TYW1: variants seen among roughly 807,000 people sequenced by gnomAD.
TYW1 encodes S-adenosyl-L-methionine-dependent tRNA 4-demethylwyosine synthase TYW1.
Under a neutral mutation model 96.2 loss-of-function variants are expected in TYW1, and 46 were observed. That is an observed-to-expected ratio of 0.48 (90% confidence interval 0.38 to 0.61). TYW1 has a LOEUF of 0.61. TYW1 is among the 20% of genes least tolerant of loss of function. The pLI is 0.00. For missense variants in TYW1, 684 were observed against 909.6 expected (o/e 0.75, Z 3.19); for synonymous variants, 274 against 323.0 (o/e 0.85, Z 1.63).
chr7:67,098,876 C>CTGT (rs1188820479), intron 12 of TYW1, among the ~76,000 whole-genome samples, 158 bp downstream of exon 12: 1 of 152,124 alleles, frequency 6.6e-6, no homozygotes, highest in Non-Finnish European at 1.5e-5. Flanking sequence ...TCTTCAAAAT[C>CTGT]TGTTCTATTA....
intron 10 of TYW1, among the ~76,000 whole-genome samples, chr7:67,076,419 G>A (rs1796208072): frequency 1.3e-5 from 2 of 152,110 alleles, no homozygotes; most frequent in African/African-American, 4.8e-5. Flanking sequence ...GCACAACTCT[G>A]TGATTATAGC....
chr7:67,112,014 G>A (rs1297179306), intron 12 of TYW1, among the ~76,000 whole-genome samples: 9 of 147,520 alleles, frequency 6.1e-5, no homozygotes, highest in African/African-American at 1.5e-4. Flanking sequence ...CAGGAGAATC[G>A]CTTGAACCTG....
At chr7:67,145,352 T>A (rs1488985526) in intron 13 of TYW1, among the ~76,000 whole-genome samples, 3 of 151,940 alleles carry the variant, frequency 2.0e-5, no homozygotes, top group Admixed American at 6.6e-5. Flanking sequence ...GGTTTCACCG[T>A]GTTAGCCAGG....
intron 13 of TYW1, among the ~76,000 whole-genome samples, chr7:67,159,678 A>T (rs999267145): frequency 2.2e-4 from 34 of 152,166 alleles, no homozygotes; most frequent in Non-Finnish European, 4.6e-4. Flanking sequence ...TTTTATTTTG[A>T]CTAGCTTCTT....
At chr7:67,157,447 G>A (rs1799018359) in intron 13 of TYW1, among the ~76,000 whole-genome samples, 1 of 152,066 alleles carries the variant, frequency 6.6e-6, no homozygotes, top group Admixed American at 6.6e-5. Context: ...CACCATGCCT[G>A]GCTAATGTTT....
intron 14 of TYW1, among the ~76,000 whole-genome samples, chr7:67,190,528 A>G (rs961746003): frequency 6.6e-6 from 1 of 152,218 alleles, no homozygotes; most frequent in African/African-American, 2.4e-5. Context: ...AGGTTCCTGA[A>G]TGGAGGTTAA....
chr7:67,078,636 T>A (rs188495415), intron 10 of TYW1, among the ~76,000 whole-genome samples: 250 of 152,278 alleles, frequency 1.6e-3, no homozygotes, highest in African/African-American at 5.7e-3. Context: ...TATCTTTCCA[T>A]TTTTTTGTGT....
intron 13 of TYW1, among the ~76,000 whole-genome samples, chr7:67,120,192 A>G (rs1402878253): frequency 2.0e-5 from 3 of 151,446 alleles, no homozygotes; most frequent in Non-Finnish European, 2.9e-5. Context: ...AGTGATTCTC[A>G]TGCCTCAGCC....
At chr7:67,032,170 G>A (rs1794691064) in intron 7 of TYW1, among the ~76,000 whole-genome samples, 3 of 152,222 alleles carry the variant, frequency 2.0e-5, no homozygotes, top group Admixed American at 2.0e-4. Flanking sequence ...CCATTGTCTG[G>A]ACATTTTGGG....
intron 12 of TYW1, among the ~76,000 whole-genome samples, chr7:67,109,919 A>G (rs535860076): frequency 6.6e-6 from 1 of 152,282 alleles, no homozygotes; most frequent in East Asian, 1.9e-4. Context: ...TCACAACCAC[A>G]GTGAAAACCA....
chr7:67,013,194 C>T (rs1264760814), intron 4 of TYW1, among the ~76,000 whole-genome samples: 1 of 151,152 alleles, frequency 6.6e-6, no homozygotes, highest in East Asian at 1.9e-4. Flanking sequence ...GTGATGGTGG[C>T]CCACTGCAGC....
chr7:67,158,670 T>C (rs4377841), intron 13 of TYW1, among the ~76,000 whole-genome samples: 39,327 of 151,788 alleles, frequency 0.26, 5,553 homozygotes, highest in African/African-American at 0.38. Context: ...CCCGGGTTCA[T>C]ACCATTCTCC....
chr7:67,121,576 A>C (rs1171674656), intron 13 of TYW1, among the ~76,000 whole-genome samples: 2 of 151,964 alleles, frequency 1.3e-5, no homozygotes, highest in Non-Finnish European at 2.9e-5. Flanking sequence ...ATAAAAACTC[A>C]AGTGATACCA....
intron 13 of TYW1, among the ~76,000 whole-genome samples, chr7:67,147,541 C>T (rs1487064588): frequency 1.3e-5 from 2 of 152,126 alleles, no homozygotes; most frequent in South Asian, 2.1e-4. Context: ...AAGCCTGCTA[C>T]CCATTTGTTT....
At chr7:67,068,989 C>T (rs1334405447) in intron 10 of TYW1, among the ~76,000 whole-genome samples, 1 of 152,166 alleles carries the variant, frequency 6.6e-6, no homozygotes, top group Non-Finnish European at 1.5e-5. Flanking sequence ...ATTATTTCTT[C>T]CTTTAGCAAC....
rs369361145 is a variant in TYW1, at chr7:67,028,345, C to T, written c.984+3323C>T. ...GGTGGATCACTTGAGGTCAGGAGTT[C>T]GAGACCAGCCTGACCAACATGGTGA... On this transcript the variant is annotated intron_variant, in intron 7 of 15. Transcript: ENST00000359626. Among the ~76,000 whole-genome samples the T allele has an allele frequency of 2.8e-3, 427 of 151,552 alleles. 1 individual carries two copies. The highest frequency in any genetic ancestry group is 4.0e-3 in the Non-Finnish European group (272 of 67,902).
intron 8 of TYW1, among the ~76,000 whole-genome samples, chr7:67,055,286 A>T (rs1795472955): frequency 1.3e-5 from 2 of 152,168 alleles, no homozygotes; most frequent in Admixed American, 1.3e-4. Flanking sequence ...ATCTCCTCGT[A>T]TAATTTTTGG....
chr7:67,160,583 T>C (rs1432061099), intron 13 of TYW1, among the ~76,000 whole-genome samples: 2 of 145,458 alleles, frequency 1.4e-5, no homozygotes, highest in Non-Finnish European at 3.0e-5. Context: ...CATTTATCTA[T>C]ATATTTTTAA....
intron 13 of TYW1, among the ~76,000 whole-genome samples, chr7:67,173,774 G>A (rs1799583591): frequency 6.8e-6 from 1 of 147,382 alleles, no homozygotes; most frequent in Non-Finnish European, 1.5e-5. Flanking sequence ...TAGGTTTTTT[G>A]TAGATATCCT....
Sources: gnomAD v4.1 joint callset for allele counts (sites outside exome capture counted in the v4.1 genomes callset) on GRCh38, gnomAD v4.1.1 for gene constraint, MANE v1.5 for transcripts, NCBI Gene and HGNC (gene_info 2026-07-23, HGNC 2026-07-21) for gene names.